Variants in ITGA2B observed in about 807,000 individuals in gnomAD.
The protein encoded by ITGA2B is integrin alpha-IIb.
In ITGA2B, 91 loss-of-function variants were observed where a neutral mutation model predicts 142.0. The observed-to-expected ratio is 0.64, with a 90% CI of 0.54 to 0.76. ITGA2B has a LOEUF of 0.76. ITGA2B is among the 30% of genes least tolerant of loss of function. The pLI is 0.00. For missense variants in ITGA2B, 1,231 were observed against 1,350.8 expected (o/e 0.91, Z 1.39); for synonymous variants, 536 against 567.2 (o/e 0.94, Z 0.78).
intron 27 of ITGA2B, 29 bp downstream of exon 27, chr17:44,374,969 C>A: frequency 6.7e-7 from 1 of 1,481,862 alleles, no homozygotes; most frequent in Non-Finnish European, 9.1e-7. Context: ...CCAGAAGGCC[C>A]GGCCCCGCCC....
rs1461438221 is a variant in ITGA2B at position 44,380,451 on chromosome 17, C to T, written c.1479G>A (p.Val493=). 1.9e-6 allele frequency: 3 copies of T among 1,614,014 alleles called. No individual in the cohort carries two copies. Among genetic ancestry groups the T allele is most frequent in the African/African-American group, 1.3e-5 (1 of 74,912 alleles). Residue 493 remains valine, a synonymous_variant, in exon 15 of 30, where the codon GTG becomes GTA. Transcript: ENST00000262407. ...TCACAGCAGGATTCAGTGAATCTTG[C>T]ACCAGTAGCTGGACAGAGGCCTTCA... ...PVVKASVQLL[V]QDSLNPAVKS... is the part of the protein sequence containing the mutation.
intron 25 of ITGA2B, 51 bp from the exon 26 acceptor site, chr17:44,375,767 C>T (rs748170102): frequency 3.2e-6 from 5 of 1,557,000 alleles, no homozygotes; most frequent in African/African-American, 1.4e-5. Context: ...AACCCCAGCC[C>T]ACAGAGGTGC....
At chr17:44,383,265 C>T (rs1390273527) in intron 12 of ITGA2B, among the ~76,000 whole-genome samples, 1 of 152,172 alleles carries the variant, frequency 6.6e-6, no homozygotes, top group Non-Finnish European at 1.5e-5. Context: ...AACTCCACTG[C>T]CAAAATCCAC....
At position 44,387,532 on chromosome 17, in the gene ITGA2B, A is replaced by G. The variant is rs2048659934; in HGVS notation, c.189-1401T>C. On this transcript the variant is annotated intron_variant, in intron 1 of 29. Coordinates refer to ENST00000262407, the MANE Select transcript of ITGA2B (RefSeq NM_000419.5). ...GAGCGAAACTCCATCTCAAAAAAAA[A>G]GAAGAAAAAAAGTCTGGGCATGGTG... 4.0e-5 allele frequency among the ~76,000 whole-genome samples: 6 copies of G among 150,018 alleles called. 1 individual carries two copies. In the South Asian group the frequency reaches 1.3e-3, roughly 32 times the overall value.
Position 44,378,434 on chromosome 17 carries a change from C to T in ITGA2B, c.2022G>A (p.Gly674=). 3 of 1,613,510 alleles carry T rather than the reference C, an allele frequency of 1.9e-6. No individual in the cohort carries two copies. The highest frequency in any genetic ancestry group is 2.5e-6 in the Non-Finnish European group (3 of 1,179,934). The change falls in exon 20 of 30, where the codon GGG becomes GGA. Residue 674 remains glycine (G), a synonymous_variant. Transcript: ENST00000262407. ...GCACGGCCAGCTCTGCTTCATAGGC[C>T]CCCTCGCCCTCGTTGGCTGCGTCCA... The part of the protein sequence containing the change: ...LQMDAANEGE[G]AYEAELAVHL...
chr17:44,384,515 C>T (rs374154586), intron 8 of ITGA2B, 23 bp downstream of exon 8: 1 of 1,614,050 alleles, frequency 6.2e-7, no homozygotes. Flanking sequence ...CTACCCAACT[C>T]CCGCCCTAAG....
rs761819126 is a variant in ITGA2B, at chr17:44,376,166, G to A, written c.2367C>T (p.Ser789=). The A allele has an allele frequency of 2.5e-6, 4 of 1,614,034 alleles. No homozygotes were observed. The highest frequency in any genetic ancestry group is 3.4e-6 in the Non-Finnish European group (4 of 1,180,028). Residue 789 remains serine (S), a synonymous_variant, in exon 24 of 30, where the codon TCC becomes TCT. Transcript: ENST00000262407. The part of the protein sequence containing the change: ...VELRGNSFPA[S]LVVAAEEGER... The stretch of plus-strand genomic sequence containing the variant: ...CACCTTCTTCTGCTGCCACCACCAG[G>A]GAGGCTGGAAAGGAGTTCCTGCAGG...
In ITGA2B at chr17:44,380,602, G is replaced by A. The variant is rs2048587291; in HGVS notation, c.1437C>T (p.Tyr479=). The change falls in exon 14 of 30, where the codon TAC becomes TAT. Residue 479 remains tyrosine, a splice_region_variant and synonymous_variant. Coordinates refer to ENST00000262407, the MANE Select transcript of ITGA2B (RefSeq NM_000419.5). ...GAYGANQVAV[Y]RAQPVVKASV... The stretch of plus-strand genomic sequence containing the variant: ...CCGCCCCTGGAGCCAGTGCTCACCT[G>A]TACACAGCCACCTGGTTGGCCCCGT... 3 of 1,614,088 alleles carry A rather than the reference G, an allele frequency of 1.9e-6. No homozygotes were observed. Among genetic ancestry groups the A allele is most frequent in the Non-Finnish European group, 2.5e-6 (3 of 1,180,038 alleles).
Position 44,378,483 on chromosome 17 carries a change from G to T in ITGA2B, c.1973C>A (p.Ala658Glu). Residue 658 changes from alanine to glutamate, a missense_variant, in exon 20 of 30, where the codon GCA (alanine) becomes GAA (glutamate). Physicochemically the swap from Ala to Glu is moderately radical, Grantham distance 107. Around this residue, in one of 3 missense-constraint regions of ITGA2B, gnomAD observed 908 missense variants for 1,021.1 expected, o/e 0.89. Coordinates refer to ENST00000262407, the MANE Select transcript of ITGA2B (RefSeq NM_000419.5). ...SVTGSPLLVG[A>E]DNVLELQMDA... Reference sequence around the variant, plus strand: ...CATCTGCAGCTCCAGGACATTATCTGCCCCAACTAGGAGCGGGGAGCCCGT... The same window carrying T: ...CATCTGCAGCTCCAGGACATTATCTTCCCCAACTAGGAGCGGGGAGCCCGT... The T allele has an allele frequency of 6.2e-7, 1 of 1,613,860 alleles. No homozygotes were observed. The highest frequency in any genetic ancestry group is 8.5e-7 in the Non-Finnish European group (1 of 1,179,972).
chr17:44,386,000 TGGGACTCAC>T lies in ITGA2B; in HGVS notation c.310+1_310+9del. 6.2e-7 allele frequency: 1 copy of T among 1,613,940 alleles called. No individual in the cohort carries two copies. The highest frequency in any genetic ancestry group is 1.3e-5 in the African/African-American group (1 of 75,046). On this transcript the variant is annotated splice_donor_variant and splice_donor_5th_base_variant and intron_variant, in intron 2 of 29. Coordinates refer to ENST00000262407, the MANE Select transcript of ITGA2B (RefSeq NM_000419.5). ...TGACCCCAACCTTGCTCTCCTTGCC[TGGGACTCAC>T]GGAGGTCAAAGAGCAGCGAGGGGCA... is the stretch of plus-strand genomic sequence containing the variant.
intron 11 of ITGA2B, 46 bp from the exon 12 acceptor site, chr17:44,383,750 T>C (rs781443706): frequency 3.9e-5 from 61 of 1,553,474 alleles, no homozygotes; most frequent in Admixed American, 1.2e-4. Flanking sequence ...CAGGGGTATA[T>C]TGGGGCTAGG....
At chr17:44,384,822 G>T in intron 7 of ITGA2B, 126 bp downstream of exon 7, 2 of 1,482,270 alleles carry the variant, frequency 1.3e-6, no homozygotes, top group Admixed American at 3.3e-5. Flanking sequence ...AGCGGAGGGC[G>T]GGAGCGGCTT....
chr17:44,387,826 C>CAAAAAAAAAAAAAA (rs980395817), intron 1 of ITGA2B, among the ~76,000 whole-genome samples: 3 of 24,560 alleles, frequency 1.2e-4, no homozygotes, highest in African/African-American at 2.7e-4. Flanking sequence ...AACCCCATCT[C>CAAAAAAAAAAAAAA]AAAAAAAAAA....
intron 8 of ITGA2B, 22 bp from the exon 9 acceptor site, chr17:44,384,376 C>T (rs950269723): frequency 1.2e-6 from 2 of 1,613,680 alleles, no homozygotes; most frequent in Admixed American, 3.3e-5. Flanking sequence ...GAGAGCCAGG[C>T]TCAGGGAATG....
Position 44,379,710 on chromosome 17 carries a change from TC to T in ITGA2B, c.1856del (p.Gly619GlufsTer31). The T allele has an allele frequency of 6.2e-7, 1 of 1,613,922 alleles. No individual in the cohort carries two copies. The highest frequency in any genetic ancestry group is 8.5e-7 in the Non-Finnish European group (1 of 1,179,996). On this transcript the variant is annotated frameshift_variant, in exon 18 of 30. Coordinates refer to ENST00000262407, the MANE Select transcript of ITGA2B (RefSeq NM_000419.5). LOFTEE classifies it high-confidence loss of function. ...AGMAPAVVLH[G>X]DTHVQEQTRI... ...CTACCTGCTCCTGCACATGGGTGTCTCCATGCAGCACGACAGCAGGGGCCAT... is the reference window on the plus strand; with the variant it reads ...CTACCTGCTCCTGCACATGGGTGTCTCATGCAGCACGACAGCAGGGGCCAT...
At chr17:44,386,258 A>C in intron 1 of ITGA2B, 127 bp from the exon 2 acceptor site, 3 of 1,343,272 alleles carry the variant, frequency 2.2e-6, no homozygotes, top group Non-Finnish European at 3.1e-6. Context: ...CCTCAATGAC[A>C]CCTCACAGAC....
chr17:44,388,569 A>G (rs1001704288), intron 1 of ITGA2B, among the ~76,000 whole-genome samples: 3 of 150,108 alleles, frequency 2.0e-5, no homozygotes, highest in Non-Finnish European at 3.0e-5. Flanking sequence ...CCCAGGCTGG[A>G]GTGCAGTGGC....
At chr17:44,388,116 A>C (rs2048665984) in intron 1 of ITGA2B, among the ~76,000 whole-genome samples, 1 of 152,082 alleles carries the variant, frequency 6.6e-6, no homozygotes, top group African/African-American at 2.4e-5. Flanking sequence ...AGTGTCTCTC[A>C]CAATAGTAGC....
At position 44,378,500 on chromosome 17, in the gene ITGA2B, G is replaced by A. The variant is rs2048565098; in HGVS notation, c.1956C>T (p.Ser652=). The A allele has an allele frequency of 6.2e-7, 1 of 1,613,690 alleles. No individual in the cohort carries two copies. Among genetic ancestry groups the A allele is most frequent in the Non-Finnish European group, 8.5e-7 (1 of 1,179,962 alleles). The change falls in exon 20 of 30, where the codon TCC becomes TCT. Residue 652 remains serine (S), a synonymous_variant. Transcript: ENST00000262407. ...CATTATCTGCCCCAACTAGGAGCGG[G>A]GAGCCCGTCCTGTGGGGAAAGAGGA... ...QLQLTASVTG[S]PLLVGADNVL...
Sources: allele counts gnomAD v4.1 joint callset (sites outside exome capture counted in the v4.1 genomes callset), GRCh38; gene constraint gnomAD v4.1.1; regional missense constraint gnomAD v4.1.1; transcripts MANE v1.5; gene names NCBI Gene and HGNC (gene_info 2026-07-23, HGNC 2026-07-21).